The following GPC6 variants were observed in gnomAD, a reference collection of about 807,000 sequenced individuals.
GPC6 encodes glypican 6, also known as glypican-6.
Under a neutral mutation model 55.2 loss-of-function variants are expected in GPC6, and 14 were observed. That is an observed-to-expected ratio of 0.25 (90% CI 0.17 to 0.40). The LOEUF (loss-of-function observed/expected upper bound fraction) is 0.40. Among genes scored for constraint, GPC6 ranks in the 10% least tolerant of loss-of-function variants. The pLI is 1.00. For missense variants in GPC6, 641 were observed against 708.5 expected, an observed-to-expected ratio of 0.90 and a Z score of 1.08; for synonymous variants, 278 against 259.6, an observed-to-expected ratio of 1.07 and a Z score of -0.68.
intron 2 of GPC6, among the ~76,000 whole-genome samples, chr13:93,659,795 AAC>A (rs1321074169): frequency 6.6e-6 from 1 of 152,072 alleles, no homozygotes; most frequent in Non-Finnish European, 1.5e-5. Context: ...TAGGTAATCT[AAC>A]TTCATTACCT....
chr13:93,921,677 A>T (rs750301407), intron 3 of GPC6, among the ~76,000 whole-genome samples: 1 of 150,992 alleles, frequency 6.6e-6, no homozygotes, highest in Non-Finnish European at 1.5e-5. Flanking sequence ...CGGCTCATGG[A>T]GCCTGGGGCT....
At position 93,469,317 on chromosome 13, in the gene GPC6, A is replaced by G. The variant is rs142206833; in HGVS notation, c.161-75946A>G. On this transcript the variant is annotated intron_variant, in intron 1 of 8. Transcript: ENST00000377047. The stretch of plus-strand genomic sequence containing the variant: ...TCATTGTTGTTGCACAGGTCTATTA[A>G]TTTTAACACCTTTATAGATTTGGTA... Among the ~76,000 whole-genome samples the G allele has an allele frequency of 7.0e-3, 1,059 of 152,228 alleles. 11 individuals carry two copies. The highest frequency in any genetic ancestry group is 0.025 in the African/African-American group (1,025 of 41,542).
chr13:94,327,086 A>G (rs1169375791), intron 6 of GPC6, among the ~76,000 whole-genome samples: 4 of 152,030 alleles, frequency 2.6e-5, no homozygotes, highest in Non-Finnish European at 5.9e-5. Context: ...TACTTTTGGG[A>G]CTCCCATATT....
chr13:94,105,512 G>T (rs76156715), intron 4 of GPC6, among the ~76,000 whole-genome samples: 1,978 of 152,248 alleles, frequency 0.013, 36 homozygotes, highest in African/African-American at 0.045. Context: ...CCTTAGGAGA[G>T]AAGTCAAAGC....
intron 4 of GPC6, among the ~76,000 whole-genome samples, chr13:94,223,071 C>T (rs1188218183): frequency 6.6e-6 from 1 of 152,018 alleles, no homozygotes; most frequent in Non-Finnish European, 1.5e-5. Flanking sequence ...TCTCATTTAC[C>T]CTGTAATTCC....
intron 1 of GPC6, among the ~76,000 whole-genome samples, chr13:93,527,216 G>T (rs1393072276): frequency 6.6e-6 from 1 of 151,828 alleles, no homozygotes; most frequent in African/African-American, 2.4e-5. Context: ...GTTACCTTTT[G>T]TGTGTGTGTG....
At chr13:94,059,387 C>T (rs1488657442) in intron 4 of GPC6, among the ~76,000 whole-genome samples, 1 of 151,988 alleles carries the variant, frequency 6.6e-6, no homozygotes, top group Non-Finnish European at 1.5e-5. Context: ...CTTTCCTCAG[C>T]GTTTACCCTC....
At chr13:94,032,968 T>G (rs1400948654) in intron 4 of GPC6, among the ~76,000 whole-genome samples, 1 of 152,206 alleles carries the variant, frequency 6.6e-6, no homozygotes, top group Non-Finnish European at 1.5e-5. Flanking sequence ...GTTTACTAAG[T>G]GCCTACTGTG....
chr13:93,276,303 T>C (rs1210518145), intron 1 of GPC6, among the ~76,000 whole-genome samples: 1 of 152,238 alleles, frequency 6.6e-6, no homozygotes, highest in South Asian at 2.1e-4. Context: ...AGGTTCTCCC[T>C]GGTCACAGAC....
intron 2 of GPC6, among the ~76,000 whole-genome samples, chr13:93,652,229 T>C (rs1419771814): frequency 6.6e-6 from 1 of 152,212 alleles, no homozygotes; most frequent in Non-Finnish European, 1.5e-5. Context: ...ATCTAATCCA[T>C]GCATATTGAT....
At chr13:93,574,586 A>T (rs559745566) in intron 2 of GPC6, among the ~76,000 whole-genome samples, 1 of 152,310 alleles carries the variant, frequency 6.6e-6, no homozygotes, top group South Asian at 2.1e-4. Context: ...ACGACTACAC[A>T]TACTAAAAAT....
Position 93,533,336 on chromosome 13 carries a change from A to G in GPC6, c.161-11927A>G, listed in dbSNP as rs535360523. 3.4e-4 allele frequency among the ~76,000 whole-genome samples: 52 copies of G among 152,336 alleles called. 1 individual carries two copies. Among genetic ancestry groups the G allele is most frequent in the African/African-American group, 1.2e-3 (50 of 41,584 alleles). On this transcript the variant is annotated intron_variant, in intron 1 of 8. Transcript: ENST00000377047. Reference sequence around the variant, plus strand: ...AGAAACTCTAGCTAAATTCTAAAGTATTCTAAAGTATTTCACTTCCCTCCA... The same window carrying G: ...AGAAACTCTAGCTAAATTCTAAAGTGTTCTAAAGTATTTCACTTCCCTCCA...
intron 4 of GPC6, among the ~76,000 whole-genome samples, chr13:94,118,045 G>A (rs979412235): frequency 1.3e-5 from 2 of 152,024 alleles, no homozygotes; most frequent in African/African-American, 4.8e-5. Context: ...ATGTAAAATT[G>A]CCTATTATTA....
At chr13:93,957,232 C>A (rs1879549093) in intron 3 of GPC6, among the ~76,000 whole-genome samples, 1 of 152,002 alleles carries the variant, frequency 6.6e-6, no homozygotes, top group Admixed American at 6.6e-5. Context: ...TTATGCTGCC[C>A]TCTGATGCTT....
intron 1 of GPC6, among the ~76,000 whole-genome samples, chr13:93,301,405 A>G (rs775345577): frequency 1.4e-4 from 22 of 152,226 alleles, no homozygotes; most frequent in Non-Finnish European, 1.3e-4. Flanking sequence ...GAGAGGTGAG[A>G]AGAGAGACTA....
chr13:93,758,713 T>C (rs1221654167), intron 2 of GPC6, among the ~76,000 whole-genome samples: 3 of 152,074 alleles, frequency 2.0e-5, no homozygotes, highest in Non-Finnish European at 4.4e-5. Flanking sequence ...AGGGTCACCC[T>C]GGATACCTGC....
intron 6 of GPC6, among the ~76,000 whole-genome samples, chr13:94,361,234 A>C (rs1490732244): frequency 6.6e-6 from 1 of 152,186 alleles, no homozygotes; most frequent in East Asian, 1.9e-4. Flanking sequence ...TGTACAGGTC[A>C]AGAAAACCCA....
chr13:93,569,645 T>G (rs1876301678), intron 2 of GPC6, among the ~76,000 whole-genome samples: 1 of 152,072 alleles, frequency 6.6e-6, no homozygotes, highest in African/African-American at 2.4e-5. Flanking sequence ...CTAAGTTATC[T>G]TCATAACTTA....
intron 2 of GPC6, among the ~76,000 whole-genome samples, chr13:93,637,681 A>T (rs553692468): frequency 2.0e-5 from 3 of 152,124 alleles, no homozygotes; most frequent in African/African-American, 4.8e-5. Flanking sequence ...AGTCATAATT[A>T]AATAATAAGG....
Sources: allele counts gnomAD v4.1 joint callset (sites outside exome capture counted in the v4.1 genomes callset), GRCh38; gene constraint gnomAD v4.1.1; transcripts MANE v1.5; gene names NCBI Gene and HGNC (gene_info 2026-07-23, HGNC 2026-07-21).